MACROD2: variants seen among roughly 807,000 people sequenced by gnomAD.
MACROD2 encodes the protein ADP-ribose glycohydrolase MACROD2.
MACROD2 carries 36 observed loss-of-function variants against 70.4 expected under a neutral mutation model. That is an observed-to-expected ratio of 0.51 (90% confidence interval 0.39 to 0.68). The LOEUF (loss-of-function observed/expected upper bound fraction) is 0.68, where lower values mean the gene tolerates loss of function less well. Ranked by LOEUF, MACROD2 falls within the 30% of genes least tolerant of loss-of-function variation. The pLI is 0.00. For missense variants in MACROD2, 496 were observed against 538.4 expected, an observed-to-expected ratio of 0.92 and a Z score of 0.78; for synonymous variants, 172 against 178.8, an observed-to-expected ratio of 0.96 and a Z score of 0.30.
At chr20:14,032,655 A>C (rs888485330) in intron 2 of MACROD2, among the ~76,000 whole-genome samples, 7 of 152,040 alleles carry the variant, frequency 4.6e-5, no homozygotes, top group Non-Finnish European at 7.4e-5. Flanking sequence ...GTAAATGTTA[A>C]CAGTATTTTT....
intron 4 of MACROD2, among the ~76,000 whole-genome samples, chr20:14,530,741 T>G (rs2085292876): frequency 6.6e-6 from 1 of 152,200 alleles, no homozygotes; most frequent in South Asian, 2.1e-4. Flanking sequence ...CGCGGAAAAA[T>G]AATTTATCTT....
At chr20:14,346,680 T>A (rs541353825) in intron 3 of MACROD2, among the ~76,000 whole-genome samples, 2 of 152,222 alleles carry the variant, frequency 1.3e-5, no homozygotes, top group Admixed American at 6.5e-5. Context: ...TGGGTGGTGA[T>A]GTCTAAGTAA....
intron 5 of MACROD2, among the ~76,000 whole-genome samples, chr20:14,851,661 G>A (rs1196023796): frequency 6.6e-6 from 1 of 152,148 alleles, no homozygotes; most frequent in Non-Finnish European, 1.5e-5. Context: ...TGAAGTTCAT[G>A]TACACAAAGA....
chr20:15,183,058 A>G (rs1265089965), intron 5 of MACROD2, among the ~76,000 whole-genome samples: 1 of 152,112 alleles, frequency 6.6e-6, no homozygotes, highest in Non-Finnish European at 1.5e-5. Context: ...ACCACCATCT[A>G]TAGAGGTATT....
chr20:15,378,489 C>T (rs186342642), intron 6 of MACROD2, among the ~76,000 whole-genome samples: 9 of 152,012 alleles, frequency 5.9e-5, no homozygotes, highest in Non-Finnish European at 1.2e-4. Context: ...AAGATACTGA[C>T]GATTATAATA....
At chr20:14,713,249 A>G (rs1233957743) in intron 5 of MACROD2, among the ~76,000 whole-genome samples, 6 of 152,190 alleles carry the variant, frequency 3.9e-5, no homozygotes, top group African/African-American at 1.4e-4. Context: ...GTGCTCACTC[A>G]GATTTGTATC....
intron 3 of MACROD2, among the ~76,000 whole-genome samples, chr20:14,303,611 A>T (rs533774315): frequency 6.6e-6 from 1 of 152,300 alleles, no homozygotes; most frequent in South Asian, 2.1e-4. Context: ...ACCATGTGAG[A>T]AGCCCTTCAG....
intron 3 of MACROD2, among the ~76,000 whole-genome samples, chr20:14,184,058 A>AT (rs1309414478): frequency 1.3e-5 from 2 of 151,850 alleles, no homozygotes; most frequent in East Asian, 3.9e-4. Context: ...TCATTTGTCA[A>AT]TTTTTACTTT....
intron 3 of MACROD2, among the ~76,000 whole-genome samples, chr20:14,224,192 T>C (rs1364683021): frequency 1.3e-5 from 2 of 152,188 alleles, no homozygotes; most frequent in Non-Finnish European, 2.9e-5. Flanking sequence ...CTAGGCAAGT[T>C]GACACATAAA....
intron 4 of MACROD2, among the ~76,000 whole-genome samples, chr20:14,651,186 G>A (rs1366634695): frequency 6.6e-6 from 1 of 152,180 alleles, no homozygotes; most frequent in Non-Finnish European, 1.5e-5. Flanking sequence ...GACAGGGACA[G>A]CGTATGCTGC....
chr20:15,085,882 A>ACAC (rs1474615998), intron 5 of MACROD2, among the ~76,000 whole-genome samples: 7 of 145,238 alleles, frequency 4.8e-5, no homozygotes, highest in Non-Finnish European at 9.0e-5. Flanking sequence ...CAACACACAC[A>ACAC]CACACACACA....
intron 8 of MACROD2, among the ~76,000 whole-genome samples, chr20:15,737,087 T>A (rs1443711240): frequency 1.3e-5 from 2 of 152,172 alleles, no homozygotes; most frequent in Non-Finnish European, 2.9e-5. Flanking sequence ...CTTTGGTTAT[T>A]GATTGTATAT....
intron 5 of MACROD2, among the ~76,000 whole-genome samples, chr20:14,697,125 G>A (rs2071135456): frequency 6.6e-6 from 1 of 152,110 alleles, no homozygotes; most frequent in Admixed American, 6.5e-5. Flanking sequence ...AGGGCACTGG[G>A]GATTCCCCAG....
chr20:15,366,011 G>A (rs1226851752), intron 6 of MACROD2, among the ~76,000 whole-genome samples: 1 of 152,168 alleles, frequency 6.6e-6, no homozygotes, highest in East Asian at 1.9e-4. Context: ...ACTTAAGAGG[G>A]AACTACTCAA....
At chr20:14,806,603 C>T (rs903920710) in intron 5 of MACROD2, among the ~76,000 whole-genome samples, 4 of 152,060 alleles carry the variant, frequency 2.6e-5, no homozygotes, top group Non-Finnish European at 5.9e-5. Context: ...CATTCACTCC[C>T]CTGGAAAGGG....
At chr20:14,293,040 C>T (rs1305607162) in intron 3 of MACROD2, among the ~76,000 whole-genome samples, 1 of 151,836 alleles carries the variant, frequency 6.6e-6, no homozygotes, top group African/African-American at 2.4e-5. Context: ...ATAGTATCCG[C>T]TCTTGGGAAG....
chr20:15,713,989 A>ACACACG (rs751813377), intron 8 of MACROD2, among the ~76,000 whole-genome samples: 4,512 of 98,920 alleles, frequency 0.046, 127 homozygotes, highest in African/African-American at 0.091. Flanking sequence ...ACACATATGC[A>ACACACG]CACACACACA....
At chr20:14,391,336 C>G (rs1014734917) in intron 3 of MACROD2, among the ~76,000 whole-genome samples, 1 of 152,076 alleles carries the variant, frequency 6.6e-6, no homozygotes, top group Admixed American at 6.6e-5. Context: ...TGGATGGAGC[C>G]GGAGGCCATT....
intron 6 of MACROD2, among the ~76,000 whole-genome samples, chr20:15,276,955 A>G (rs1315571909): frequency 2.0e-5 from 3 of 152,234 alleles, no homozygotes; most frequent in East Asian, 3.8e-4. Flanking sequence ...ATTTATTACC[A>G]GAAGAAAAAT....
Sources: gnomAD v4.1 joint callset for allele counts (sites outside exome capture counted in the v4.1 genomes callset) on GRCh38, gnomAD v4.1.1 for gene constraint, MANE v1.5 for transcripts, NCBI Gene and HGNC (gene_info 2026-07-23, HGNC 2026-07-21) for gene names.